ZDHHC9: variants seen among roughly 807,000 people sequenced by gnomAD.
ZDHHC9 encodes palmitoyltransferase ZDHHC9.
A neutral mutation model predicts 26.6 loss-of-function variants in ZDHHC9; 3 were observed. That is an observed-to-expected ratio of 0.11 (90% CI 0.05 to 0.29). The LOEUF (loss-of-function observed/expected upper bound fraction) is 0.29. Ranked by LOEUF, ZDHHC9 falls within the 10% of genes least tolerant of loss-of-function variation. ZDHHC9 has a pLI of 1.00. For synonymous variants in ZDHHC9, 111 were observed against 109.4 expected (o/e 1.01, Z -0.09); for missense variants, 146 against 296.4 (o/e 0.49, Z 3.73).
chrX:129,825,040 C>T (rs769163472), intron 4 of ZDHHC9, among the ~76,000 whole-genome samples: 1 of 112,139 alleles, frequency 8.9e-6, no homozygotes, highest in Non-Finnish European at 1.9e-5. Flanking sequence ...TGGTGGCTCA[C>T]GCCTGTAATC....
intron 4 of ZDHHC9, among the ~76,000 whole-genome samples, chrX:129,827,264 A>G (rs978668494): frequency 1.7e-3 from 137 of 79,605 alleles, no homozygotes; most frequent in Non-Finnish European, 2.3e-3. Flanking sequence ...GGAAGGAAGG[A>G]AGGAAGGGAG....
chrX:129,842,019 A>C lies in ZDHHC9; in HGVS notation c.-74T>G, dbSNP rs1928394162. On this transcript the variant is annotated 5_prime_UTR_variant, in exon 3 of 11. It adds an upstream start codon to the 5' untranslated region. Transcript: ENST00000357166. ...AAACAGAGGCTGAGCCCAGCTTTGA[A>C]ATCACGTTGCCTGCTATTCCTGCCG... The C allele has an allele frequency of 3.5e-6, 4 of 1,156,446 alleles. No homozygotes were observed. Among genetic ancestry groups the C allele is most frequent in the South Asian group, 3.6e-5 (2 of 55,678 alleles).
intron 3 of ZDHHC9, among the ~76,000 whole-genome samples, chrX:129,829,666 A>G (rs1054796089): frequency 8.9e-6 from 1 of 112,148 alleles, no homozygotes; most frequent in Admixed American, 9.4e-5. Context: ...GAAAACCTTC[A>G]GGGCTGTTGA....
intron 7 of ZDHHC9, 129 bp from the exon 8 acceptor site, chrX:129,812,949 A>G (rs1009526899): frequency 5.9e-6 from 3 of 511,949 alleles, no homozygotes; most frequent in African/African-American, 4.6e-5. Flanking sequence ...ATGTTTCCAT[A>G]TATAACAATA....
chrX:129,843,575 G>C (rs1253260912), intron 1 of ZDHHC9, 121 bp downstream of exon 1: 1 of 111,704 alleles, frequency 9.0e-6, no homozygotes, highest in African/African-American at 3.2e-5. Context: ...CGGGCCAGGG[G>C]CTCGGCGGCT....
Position 129,804,526 on chromosome X carries a change from G to T in ZDHHC9, c.*1844C>A, listed in dbSNP as rs1195527005. 1 of 111,375 alleles carries T rather than the reference G, an allele frequency of 9.0e-6. No individual in the cohort carries two copies. Among genetic ancestry groups the T allele is most frequent in the Non-Finnish European group, 1.9e-5 (1 of 52,944 alleles). 9.2% of individuals were successfully genotyped at this position (111,375 alleles called of 1,213,427 possible). ...GTCTTGATTATACACCACCTAGAAA[G>T]AAATATATACCATCACTTGTAAAAG... is the stretch of plus-strand genomic sequence containing the variant. On this transcript the variant is annotated 3_prime_UTR_variant, in exon 11 of 11. Coordinates refer to ENST00000357166, the MANE Select transcript of ZDHHC9 (RefSeq NM_016032.4).
intron 5 of ZDHHC9, among the ~76,000 whole-genome samples, chrX:129,816,975 C>G (rs1454916649): frequency 9.0e-6 from 1 of 110,811 alleles, no homozygotes; most frequent in Non-Finnish European, 1.9e-5. Context: ...CTCCACCTCC[C>G]AGGTTCAAGC....
rs1602957652 is a variant in ZDHHC9 at position 129,829,263 on chromosome X, G to C, written c.168-122C>G. On this transcript the variant is annotated intron_variant, in intron 3 of 10. Transcript: ENST00000357166. Reference sequence around the variant, plus strand: ...GCAGCACCTCAAGGGCAGGGACCATGTTTCTTCTCTTGAATTACCCCAAAC... The same window carrying C: ...GCAGCACCTCAAGGGCAGGGACCATCTTTCTTCTCTTGAATTACCCCAAAC... 8 of 828,261 alleles carry C rather than the reference G, an allele frequency of 9.7e-6. No homozygotes were observed. In the East Asian group the frequency reaches 2.7e-4, roughly 28 times the overall value. 68.3% of individuals were successfully genotyped at this position (828,261 alleles called of 1,213,427 possible).
chrX:129,817,681 G>A (rs1569319012), intron 5 of ZDHHC9, among the ~76,000 whole-genome samples: 1 of 109,127 alleles, frequency 9.2e-6, no homozygotes, highest in East Asian at 2.9e-4. Context: ...CTGTCTCTAT[G>A]AATTTGCCCA....
intron 5 of ZDHHC9, chrX:129,822,813 C>G (rs1445346792): frequency 9.0e-6 from 1 of 110,958 alleles, no homozygotes; most frequent in African/African-American, 3.3e-5. Flanking sequence ...ACATGGTATA[C>G]AGAAAAAACA....
At position 129,823,828 on chromosome X, in the gene ZDHHC9, T is replaced by C; in HGVS notation, c.338A>G (p.Asn113Ser). Residue 113 changes from asparagine to serine, a missense_variant, in exon 5 of 11, where the codon AAT becomes AGT. By Grantham distance (46) the Asn-to-Ser change is conservative. This residue lies in a region of ZDHHC9 where 100 missense variants were observed against 250.0 expected (regional missense o/e 0.40). Coordinates refer to ENST00000357166, the MANE Select transcript of ZDHHC9 (RefSeq NM_016032.4). ...TCGCTGGCCCTGGGGCACCGCACCA[T>C]TGGTAGCTTCTGTAAATCAATAAAG... is the stretch of plus-strand genomic sequence containing the variant. The part of the protein sequence containing the change: ...AFIEMEIEAT[N>S]GAVPQGQRPP... 2 of 1,209,973 alleles carry C rather than the reference T, an allele frequency of 1.7e-6. No individual in the cohort carries two copies. The highest frequency in any genetic ancestry group is 1.1e-6 in the Non-Finnish European group (1 of 895,338).
intron 4 of ZDHHC9, 45 bp downstream of exon 4, chrX:129,828,936 G>A (rs1602957355): frequency 1.7e-6 from 2 of 1,205,216 alleles, no homozygotes; most frequent in East Asian, 3.0e-5. Flanking sequence ...TACTGATTAG[G>A]GCCACCCACT....
intron 4 of ZDHHC9, among the ~76,000 whole-genome samples, chrX:129,828,607 C>T (rs1439046369): frequency 9.0e-6 from 1 of 110,567 alleles, no homozygotes; most frequent in Admixed American, 9.6e-5. Context: ...GGTAACAGAG[C>T]CAGGCTCTGT....
rs1927480491 is a variant in ZDHHC9 at position 129,805,036 on chromosome X, G to C, written c.*1334C>G. On this transcript the variant is annotated 3_prime_UTR_variant, in exon 11 of 11. Coordinates refer to ENST00000357166, the MANE Select transcript of ZDHHC9 (RefSeq NM_016032.4). Reference sequence around the variant, plus strand: ...TCCAGACAGGACCCTGGCTTAGAAAGAGGAAAACACAGGTGCTCTAGGAAA... The same window carrying C: ...TCCAGACAGGACCCTGGCTTAGAAACAGGAAAACACAGGTGCTCTAGGAAA... 8.9e-6 allele frequency: 1 copy of C among 112,822 alleles called. No homozygotes were observed. Among genetic ancestry groups the C allele is most frequent in the Non-Finnish European group, 1.9e-5 (1 of 53,351 alleles). 9.3% of individuals were successfully genotyped at this position (112,822 alleles called of 1,213,427 possible).
At chrX:129,836,878 C>T (rs768466815) in intron 3 of ZDHHC9, among the ~76,000 whole-genome samples, 2 of 112,399 alleles carry the variant, frequency 1.8e-5, no homozygotes, top group African/African-American at 6.5e-5. Flanking sequence ...CACACACTAG[C>T]TCGCAAGAAT....
chrX:129,805,362 G>A lies in ZDHHC9; in HGVS notation c.*1008C>T, dbSNP rs1336111042. The A allele has an allele frequency of 4.5e-5, 5 of 110,685 alleles. No individual in the cohort carries two copies. Among genetic ancestry groups the A allele is most frequent in the Non-Finnish European group, 9.5e-5 (5 of 52,635 alleles). The allele number at this position is 110,685 out of a possible 1,213,427, so 9.1% of individuals were successfully genotyped here. A position where few individuals can be genotyped will look rare whatever the true frequency, so the allele number is the denominator to read the frequency against. ...TTTTTGAGGGTACATCGGGGGAGAG[G>A]AGAGGAGAGGAGAGCCTCTCTGTGC... On this transcript the variant is annotated 3_prime_UTR_variant, in exon 11 of 11. Coordinates refer to ENST00000357166, the MANE Select transcript of ZDHHC9 (RefSeq NM_016032.4).
chrX:129,836,209 A>G (rs759934819), intron 3 of ZDHHC9, among the ~76,000 whole-genome samples: 101 of 112,008 alleles, frequency 9.0e-4, no homozygotes, highest in Non-Finnish European at 1.5e-3. Context: ...GTAAGTTCAT[A>G]TTATCAGGTC....
chrX:129,829,738 G>A (rs777146138), intron 3 of ZDHHC9, among the ~76,000 whole-genome samples: 1 of 111,725 alleles, frequency 9.0e-6, no homozygotes, highest in East Asian at 2.8e-4. Context: ...AGTGACTAAT[G>A]ACCATCAGCA....
intron 3 of ZDHHC9, among the ~76,000 whole-genome samples, chrX:129,841,133 G>A (rs1166065228): frequency 9.0e-6 from 1 of 111,633 alleles, no homozygotes; most frequent in Non-Finnish European, 1.9e-5. Context: ...TCAAACAGTG[G>A]CTCGAGTACG....
Sources: allele counts gnomAD v4.1 joint callset (sites outside exome capture counted in the v4.1 genomes callset), GRCh38; gene constraint gnomAD v4.1.1; regional missense constraint gnomAD v4.1.1; transcripts MANE v1.5; gene names NCBI Gene and HGNC (gene_info 2026-07-23, HGNC 2026-07-21).